RABGEF1: variants seen among roughly 807,000 people sequenced by gnomAD.
RABGEF1 encodes rab5 GDP/GTP exchange factor.
In RABGEF1, 26 loss-of-function variants were observed where a neutral mutation model predicts 57.3. That is an observed-to-expected ratio of 0.45 (90% CI 0.33 to 0.63). The LOEUF is 0.63. Among genes scored for constraint, RABGEF1 ranks in the 20% least tolerant of loss-of-function variants. The pLI, the probability that RABGEF1 is intolerant of heterozygous loss-of-function variation, is 0.02. For synonymous variants in RABGEF1, 185 were observed against 210.7 expected (o/e 0.88, Z 1.06); for missense variants, 464 against 607.6 (o/e 0.76, Z 2.48).
At chr7:66,751,716 A>C (rs1323649030) in intron 1 of RABGEF1, among the ~76,000 whole-genome samples, 4 of 152,088 alleles carry the variant, frequency 2.6e-5, no homozygotes, top group African/African-American at 9.7e-5. Context: ...GAGGTTTTAT[A>C]CTGTCATATT....
At chr7:66,710,509 T>TGA (rs1361321873) in intron 1 of RABGEF1, among the ~76,000 whole-genome samples, 1 of 152,248 alleles carries the variant, frequency 6.6e-6, no homozygotes, top group African/African-American at 2.4e-5. Context: ...TAGCATTGTA[T>TGA]GAGAGTTCCA....
Position 66,784,943 on chromosome 7 carries a change from G to A in RABGEF1, c.513+1102G>A, listed in dbSNP as rs1253765896. ...ATGACACCATCTTTCATTTTTATCAGAACTAAAAACTGAGGTTTTGTATTT... is the reference window on the plus strand; with the variant it reads ...ATGACACCATCTTTCATTTTTATCAAAACTAAAAACTGAGGTTTTGTATTT... On this transcript the variant is annotated intron_variant, in intron 4 of 8. Coordinates refer to ENST00000284957, the MANE Select transcript of RABGEF1 (RefSeq NM_014504.3). Among the ~76,000 whole-genome samples the A allele has an allele frequency of 2.0e-5, 3 of 151,906 alleles. No individual in the cohort carries two copies. In the East Asian group the frequency reaches 5.8e-4, roughly 29 times the overall value.
At chr7:66,800,384 G>C (rs1429613763) in intron 7 of RABGEF1, among the ~76,000 whole-genome samples, 2 of 152,194 alleles carry the variant, frequency 1.3e-5, no homozygotes, top group Non-Finnish European at 2.9e-5. Flanking sequence ...CTCTGCTGAT[G>C]TGATTCTTCC....
Position 66,809,033 on chromosome 7 carries a change from C to G in RABGEF1, c.1225C>G (p.Gln409Glu). Residue 409 changes from glutamine to glutamate, a missense_variant, in exon 9 of 9, where the codon CAA becomes GAA. Physicochemically the swap from Gln to Glu is conservative, Grantham distance 29 (BLOSUM62 2). Coordinates refer to ENST00000284957, the MANE Select transcript of RABGEF1 (RefSeq NM_014504.3). The stretch of plus-strand genomic sequence containing the variant: ...TCCTGATGCTTGCTTAGGCGTCAAG[C>G]AAATGTATAAGAACTTGGATCTCTT... ...WSPDACLGVK[Q>E]MYKNLDLLSQ... is the part of the protein sequence containing the mutation. 6.2e-7 allele frequency: 1 copy of G among 1,614,082 alleles called. No individual in the cohort carries two copies. Among genetic ancestry groups the G allele is most frequent in the Non-Finnish European group, 8.5e-7 (1 of 1,180,028 alleles).
chr7:66,704,187 C>G (rs1039556617), intron 1 of RABGEF1, among the ~76,000 whole-genome samples: 6 of 152,240 alleles, frequency 3.9e-5, no homozygotes, highest in South Asian at 2.1e-4. Flanking sequence ...ACAGCCACCT[C>G]TAAGGTTGAC....
upstream of RABGEF1, among the ~76,000 whole-genome samples, chr7:66,738,023 GTT>G (rs958049174): frequency 5.4e-5 from 7 of 129,396 alleles, no homozygotes; most frequent in Non-Finnish European, 3.4e-5. Flanking sequence ...TGTTTTTTTT[GTT>G]TTTTTTTTTT....
intron 2 of RABGEF1, among the ~76,000 whole-genome samples, chr7:66,718,350 A>C (rs1425380813): frequency 6.6e-6 from 1 of 152,174 alleles, no homozygotes; most frequent in Non-Finnish European, 1.5e-5. Flanking sequence ...CTGTCTAAAA[A>C]TGAAGAAGAA....
chr7:66,797,846 T>C (rs566744682), intron 6 of RABGEF1, among the ~76,000 whole-genome samples: 43 of 152,298 alleles, frequency 2.8e-4, no homozygotes, highest in Non-Finnish European at 5.1e-4. Context: ...GCAGGGGATG[T>C]CGGCTGGGCC....
chr7:66,686,317 A>G (rs1416865801), intron 1 of RABGEF1, among the ~76,000 whole-genome samples: 2 of 151,992 alleles, frequency 1.3e-5, no homozygotes, highest in African/African-American at 4.8e-5. Flanking sequence ...ACTAAAACCA[A>G]AAGTTTCAGG....
chr7:66,685,110 G>C (rs1790396720), intron 1 of RABGEF1, among the ~76,000 whole-genome samples: 1 of 150,824 alleles, frequency 6.6e-6, no homozygotes, highest in African/African-American at 2.4e-5. Flanking sequence ...CTGCTATATA[G>C]CTGATAAGGA....
At chr7:66,658,533 CA>C in the RABGEF1 span, among the ~76,000 whole-genome samples, 17,646 of 75,490 alleles carry the variant, frequency 0.23, 800 homozygotes, top group East Asian at 0.35. Context: ...ACTTCGTCTC[CA>C]AAAAAAAAAA....
chr7:66,789,054 A>G (rs976088113), intron 4 of RABGEF1, among the ~76,000 whole-genome samples: 7 of 152,374 alleles, frequency 4.6e-5, no homozygotes, highest in African/African-American at 1.4e-4. Context: ...AGTTTAAGAC[A>G]TGGTTATATC....
intron 4 of RABGEF1, among the ~76,000 whole-genome samples, chr7:66,788,320 C>T (rs776111292): frequency 5.9e-5 from 9 of 152,052 alleles, no homozygotes; most frequent in Non-Finnish European, 1.0e-4. Flanking sequence ...TGGCGCTCGC[C>T]TGTAGTCCCA....
rs1786269261 is a variant in RABGEF1 at position 66,797,510 on chromosome 7, G to A, written c.728+4G>A. 5 of 1,604,598 alleles carry A rather than the reference G, an allele frequency of 3.1e-6. No individual in the cohort carries two copies. The African/African-American group carries it at 5.4e-5, about 17-fold the overall frequency. On this transcript the variant is annotated splice_donor_region_variant and intron_variant, in intron 6 of 8. Transcript: ENST00000284957. ...TTGCCATTCAAAAGAGAATCAGGTA[G>A]TTGCTTATTTTGTTTTGCTTTGTAG...
intron 1 of RABGEF1, among the ~76,000 whole-genome samples, chr7:66,701,323 ACCT>A (rs1353032153): frequency 1.3e-5 from 2 of 151,854 alleles, no homozygotes; most frequent in African/African-American, 4.8e-5. Context: ...ACATAGCGAG[ACCT>A]CCACCTCTGC....
At chr7:66,690,688 A>G (rs1562698201) in intron 1 of RABGEF1, among the ~76,000 whole-genome samples, 1 of 151,850 alleles carries the variant, frequency 6.6e-6, no homozygotes, top group Non-Finnish European at 1.5e-5. Context: ...CCTGGGTGAC[A>G]GAGCAAGACA....
the RABGEF1 span, chr7:66,667,546 G>C: frequency 6.6e-6 from 1 of 152,154 alleles, no homozygotes; most frequent in Non-Finnish European, 1.5e-5. Context: ...GGTCTGCACC[G>C]AGCCCTGACA....
Position 66,701,539 on chromosome 7 carries a change from G to A in RABGEF1, c.-872-10628G>A, listed in dbSNP as rs541305071. Among the ~76,000 whole-genome samples the A allele has an allele frequency of 8.5e-4, 119 of 140,818 alleles. 1 individual carries two copies. The highest frequency in any genetic ancestry group is 1.9e-3 in the Admixed American group (26 of 13,390). 92.4% of individuals were successfully genotyped at this position (140,818 alleles called of 152,430 possible). A position where few individuals can be genotyped will look rare whatever the true frequency, so the allele number is the denominator to read the frequency against. On this transcript the variant is annotated intron_variant and NMD_transcript_variant, in intron 1 of 9. Coordinates refer to the RABGEF1 transcript ENST00000607882. ...TTTTAATTTTTTGAGACAGAGTTTC[G>A]CCCTTCTTGCCCAGGCTGGAGTGCA... is the stretch of plus-strand genomic sequence containing the variant.
chr7:66,705,554 A>G (rs1404152729), intron 1 of RABGEF1, among the ~76,000 whole-genome samples: 3 of 151,896 alleles, frequency 2.0e-5, no homozygotes, highest in Non-Finnish European at 2.9e-5. Context: ...GAAAAGCAGT[A>G]GACTTCTATA....
Sources: gnomAD v4.1 joint callset for allele counts (sites outside exome capture counted in the v4.1 genomes callset) on GRCh38, gnomAD v4.1.1 for gene constraint, MANE v1.5 for transcripts, NCBI Gene and HGNC (gene_info 2026-07-23, HGNC 2026-07-21) for gene names.